Variants in KLHL8 observed in about 807,000 individuals in gnomAD.
KLHL8 encodes the protein kelch like family member 8, also known as kelch-like protein 8.
A neutral mutation model predicts 63.5 loss-of-function variants in KLHL8; 38 were observed. That is an observed-to-expected ratio of 0.60 (90% CI 0.46 to 0.78). The LOEUF is 0.78. Ranked by LOEUF, KLHL8 falls within the 30% of genes least tolerant of loss-of-function variation. KLHL8 has a pLI of 0.00. For missense variants in KLHL8, 566 were observed against 752.4 expected (o/e 0.75, Z 2.90); for synonymous variants, 224 against 254.3 (o/e 0.88, Z 1.13).
rs773858482 is a variant in KLHL8, at chr4:87,170,549, A to G, written c.1275T>C (p.Thr425=). The G allele has an allele frequency of 3.1e-6, 5 of 1,613,942 alleles. No homozygotes were observed. Among genetic ancestry groups the G allele is most frequent in the East Asian group, 4.5e-5 (2 of 44,898 alleles). ...CATATCTCTCCACATCATTGAAGCA[A>G]GTATTGTCATCTAACCCTCCAATTG... ...IYAIGGLDDN[T]CFNDVERYDI... The change falls in exon 7 of 10, where the codon ACT becomes ACC. Residue 425 remains threonine (T), a synonymous_variant. Coordinates refer to ENST00000273963, the MANE Select transcript of KLHL8 (RefSeq NM_020803.5).
chr4:87,166,370 C>G (rs1317806522), intron 8 of KLHL8, among the ~76,000 whole-genome samples: 1 of 152,126 alleles, frequency 6.6e-6, no homozygotes, highest in Non-Finnish European at 1.5e-5. Context: ...TTTACATCAA[C>G]ATATATAAGC....
chr4:87,172,210 G>C (rs746844558), intron 6 of KLHL8, among the ~76,000 whole-genome samples: 3 of 152,160 alleles, frequency 2.0e-5, no homozygotes, highest in Admixed American at 2.0e-4. Flanking sequence ...GAAGGTGGGG[G>C]GGAACATGTG....
At position 87,178,464 on chromosome 4, in the gene KLHL8, A is replaced by G. The variant is rs1560695599; in HGVS notation, c.1096+13T>C. 1 of 1,597,660 alleles carries G rather than the reference A, an allele frequency of 6.3e-7. No homozygotes were observed. The highest frequency in any genetic ancestry group is 8.5e-7 in the Non-Finnish European group (1 of 1,175,386). Reference sequence around the variant, plus strand: ...TTGTGATCATATGATATTTCAGACAAGAGTGGACCCACCTTCCACAGAGAT... The same window carrying G: ...TTGTGATCATATGATATTTCAGACAGGAGTGGACCCACCTTCCACAGAGAT... On this transcript the variant is annotated intron_variant, in intron 5 of 9. Transcript: ENST00000273963.
chr4:87,205,322 G>A (rs904719091), intron 1 of KLHL8, among the ~76,000 whole-genome samples: 18 of 152,100 alleles, frequency 1.2e-4, no homozygotes, highest in Non-Finnish European at 2.4e-4. Flanking sequence ...TGGGAGGATC[G>A]CTTGAGCCCA....
At chr4:87,196,255 G>A (rs921594677) in intron 1 of KLHL8, among the ~76,000 whole-genome samples, 8 of 151,498 alleles carry the variant, frequency 5.3e-5, no homozygotes, top group African/African-American at 1.9e-4. Flanking sequence ...TTACTATCAA[G>A]TGCAGATAAA....
intron 1 of KLHL8, among the ~76,000 whole-genome samples, chr4:87,203,353 T>C (rs909255773): frequency 1.3e-4 from 20 of 151,964 alleles, no homozygotes; most frequent in Non-Finnish European, 2.8e-4. Flanking sequence ...CTGGCTAACA[T>C]GATGAAACCC....
chr4:87,165,115 A>C (rs1053115393), intron 8 of KLHL8, among the ~76,000 whole-genome samples: 1 of 140,820 alleles, frequency 7.1e-6, no homozygotes, highest in African/African-American at 2.7e-5. Context: ...GTGCCACTGC[A>C]CTCCAGCCTG....
chr4:87,240,107 G>A (rs536660841), intron 1 of KLHL8, among the ~76,000 whole-genome samples: 7 of 152,288 alleles, frequency 4.6e-5, no homozygotes, highest in African/African-American at 1.4e-4. Context: ...CTTGGAGAAG[G>A]AAAAGATACA....
chr4:87,172,287 G>A (rs115738989), intron 6 of KLHL8, among the ~76,000 whole-genome samples: 1 of 152,264 alleles, frequency 6.6e-6, no homozygotes, highest in East Asian at 1.9e-4. Flanking sequence ...ATAGCCACAA[G>A]GAACTGAATT....
At chr4:87,197,615 A>G (rs114080271) in intron 1 of KLHL8, among the ~76,000 whole-genome samples, 47 of 152,308 alleles carry the variant, frequency 3.1e-4, no homozygotes, top group Non-Finnish European at 6.0e-4. Context: ...TAATAAATGC[A>G]TGTTATTTTA....
intron 6 of KLHL8, among the ~76,000 whole-genome samples, chr4:87,174,486 C>T (rs1730745889): frequency 6.6e-6 from 1 of 151,990 alleles, no homozygotes; most frequent in South Asian, 2.1e-4. Flanking sequence ...GCCATGTTGG[C>T]CAGGCTGGTC....
intron 1 of KLHL8, chr4:87,219,440 A>T (rs957613818): frequency 6.6e-6 from 1 of 152,288 alleles, no homozygotes; most frequent in Non-Finnish European, 1.5e-5. Context: ...ATGTCAACCC[A>T]GGTTCTAAGG....
intron 2 of KLHL8, among the ~76,000 whole-genome samples, chr4:87,193,881 C>A (rs114348298): frequency 6.6e-6 from 1 of 152,184 alleles, no homozygotes; most frequent in Non-Finnish European, 1.5e-5. Context: ...ATGATTATAC[C>A]CCTTTCTGAG....
chr4:87,207,146 G>T (rs1417125715), intron 1 of KLHL8: 1 of 556,738 alleles, frequency 1.8e-6, no homozygotes. Flanking sequence ...GGTCACCAGG[G>T]TTGCTTTTAA....
At position 87,160,719 on chromosome 4, in the gene KLHL8, TGAAA is replaced by T. The variant is rs958868934; in HGVS notation, c.*2796_*2799del. ...TAAAGCAATGGCTTTAATGACTAAATGAAAGAATCACAAAGCACCTAGAAATATT... is the reference window on the plus strand; with the variant it reads ...TAAAGCAATGGCTTTAATGACTAAATGAATCACAAAGCACCTAGAAATATT... On this transcript the variant is annotated 3_prime_UTR_variant, in exon 10 of 10. Transcript: ENST00000273963. The T allele has an allele frequency of 4.6e-5, 7 of 152,330 alleles. No homozygotes were observed. The highest frequency in any genetic ancestry group is 1.3e-4 in the Admixed American group (2 of 15,308). 9.4% of individuals were successfully genotyped at this position (152,330 alleles called of 1,614,324 possible).
Position 87,226,663 on chromosome 4 carries a change from AT to A in KLHL8, n.58-5274del, listed in dbSNP as rs1370820122. ...TAAATAATATATATATTACTTATAT[AT>A]AATATATATTATTTATATATAATAT... On this transcript the variant is annotated intron_variant and non_coding_transcript_variant, in intron 1 of 1. Transcript: ENST00000506274. Among the ~76,000 whole-genome samples the A allele has an allele frequency of 1.6e-4, 7 of 44,186 alleles. 1 individual carries two copies. The highest frequency in any genetic ancestry group is 3.3e-4 in the African/African-American group (3 of 9,032). 29.0% of individuals were successfully genotyped at this position (44,186 alleles called of 152,430 possible).
intron 6 of KLHL8, among the ~76,000 whole-genome samples, chr4:87,172,476 G>A (rs1730672060): frequency 6.6e-6 from 1 of 151,992 alleles, no homozygotes; most frequent in Non-Finnish European, 1.5e-5. Flanking sequence ...CTAAATTGGG[G>A]GCAATTTGTT....
chr4:87,185,058 A>C (rs1264416856), intron 3 of KLHL8, among the ~76,000 whole-genome samples, 193 bp downstream of exon 3: 1 of 152,242 alleles, frequency 6.6e-6, no homozygotes, highest in African/African-American at 2.4e-5. Context: ...CAAATGTGAC[A>C]AATTTAGATT....
chr4:87,226,887 TTA>T (rs1432939186), intron 1 of KLHL8, among the ~76,000 whole-genome samples: 2 of 26,522 alleles, frequency 7.5e-5, no homozygotes, highest in East Asian at 1.9e-3. Context: ...ATAATATATA[TTA>T]TATATAAATA....
Sources: gnomAD v4.1 joint callset for allele counts (sites outside exome capture counted in the v4.1 genomes callset) on GRCh38, gnomAD v4.1.1 for gene constraint, MANE v1.5 for transcripts, NCBI Gene and HGNC (gene_info 2026-07-23, HGNC 2026-07-21) for gene names.